The following PTPRD variants were observed in gnomAD, a reference collection of about 807,000 sequenced individuals.
The protein encoded by PTPRD is receptor-type tyrosine-protein phosphatase delta.
A neutral mutation model predicts 214.5 loss-of-function variants in PTPRD; 34 were observed. That is an observed-to-expected ratio of 0.16 (90% CI 0.12 to 0.21). PTPRD has a LOEUF of 0.21. Among genes scored for constraint, PTPRD ranks in the 10% least tolerant of loss-of-function variants. The pLI is 1.00. For synonymous variants in PTPRD, 1,128 were observed against 845.7 expected, an observed-to-expected ratio of 1.33 and a Z score of -5.79; for missense variants, 2,545 against 2,398.7, an observed-to-expected ratio of 1.06 and a Z score of -1.27.
intron 5 of PTPRD, among the ~76,000 whole-genome samples, chr9:9,864,070 C>T (rs903095948): frequency 3.1e-4 from 47 of 152,056 alleles, no homozygotes; most frequent in Admixed American, 2.6e-4. Flanking sequence ...TTTAGGAGGC[C>T]GAAGTGGGTG....
intron 11 of PTPRD, among the ~76,000 whole-genome samples, chr9:8,799,298 A>C (rs1473690546): frequency 1.3e-5 from 2 of 152,190 alleles, no homozygotes; most frequent in Non-Finnish European, 2.9e-5. Flanking sequence ...AATGCTAGAA[A>C]GTGTTTCAGT....
chr9:8,500,403 G>C (rs926243116), intron 24 of PTPRD, among the ~76,000 whole-genome samples: 1 of 151,500 alleles, frequency 6.6e-6, no homozygotes, highest in African/African-American at 2.4e-5. Context: ...GTTTTGAAAA[G>C]TTAACTTCAA....
chr9:9,895,549 A>C (rs1206506384), intron 5 of PTPRD, among the ~76,000 whole-genome samples: 1 of 152,072 alleles, frequency 6.6e-6, no homozygotes, highest in Non-Finnish European at 1.5e-5. Context: ...TATCTCATAG[A>C]AGTAGGGACT....
At chr9:9,680,257 A>G (rs1595053216) in intron 7 of PTPRD, among the ~76,000 whole-genome samples, 1 of 151,834 alleles carries the variant, frequency 6.6e-6, no homozygotes, top group South Asian at 2.1e-4. Flanking sequence ...AGATAAGTAC[A>G]TTTTCTGATT....
intron 12 of PTPRD, among the ~76,000 whole-genome samples, chr9:8,642,593 TGAAG>T (rs2096601050): frequency 1.3e-5 from 2 of 152,158 alleles, no homozygotes; most frequent in Non-Finnish European, 2.9e-5. Flanking sequence ...ATGAGAGCTC[TGAAG>T]GAGAGCTCAG....
intron 11 of PTPRD, among the ~76,000 whole-genome samples, chr9:8,798,863 G>A (rs1392551528): frequency 1.3e-5 from 2 of 152,092 alleles, no homozygotes; most frequent in African/African-American, 2.4e-5. Flanking sequence ...AGAGTATCTA[G>A]GTCCTAGTCT....
intron 8 of PTPRD, among the ~76,000 whole-genome samples, chr9:9,400,587 C>G (rs1321825123): frequency 6.6e-6 from 1 of 151,990 alleles, no homozygotes. Context: ...CTCCCCACCC[C>G]CTACAGAATT....
intron 7 of PTPRD, among the ~76,000 whole-genome samples, chr9:9,608,729 A>G (rs1400782968): frequency 3.9e-5 from 6 of 152,232 alleles, no homozygotes; most frequent in Non-Finnish European, 8.8e-5. Context: ...CAGCTGTGGC[A>G]CACAAGCTAA....
chr9:10,467,828 T>A (rs1433377681), intron 2 of PTPRD, among the ~76,000 whole-genome samples: 2 of 152,062 alleles, frequency 1.3e-5, no homozygotes, highest in African/African-American at 4.8e-5. Context: ...ATTTTTGTCA[T>A]CATTCAAGTA....
intron 9 of PTPRD, among the ~76,000 whole-genome samples, chr9:9,184,540 G>A (rs2099930199): frequency 6.6e-6 from 1 of 152,066 alleles, no homozygotes; most frequent in Non-Finnish European, 1.5e-5. Flanking sequence ...ACATAGATGA[G>A]CATTCGTCAC....
chr9:9,758,104 G>C (rs2098605793), intron 6 of PTPRD, among the ~76,000 whole-genome samples: 2 of 144,896 alleles, frequency 1.4e-5, no homozygotes, highest in Admixed American at 7.2e-5. Flanking sequence ...ACACCTGCGG[G>C]CTGTATTTGA....
chr9:9,975,787 C>A (rs2095330066), intron 4 of PTPRD, among the ~76,000 whole-genome samples: 1 of 152,150 alleles, frequency 6.6e-6, no homozygotes, highest in Non-Finnish European at 1.5e-5. Context: ...CTTATTAGTT[C>A]TGTTACCTTG....
At chr9:8,806,184 C>T (rs1278931619) in intron 11 of PTPRD, among the ~76,000 whole-genome samples, 1 of 147,296 alleles carries the variant, frequency 6.8e-6, no homozygotes, top group Non-Finnish European at 1.5e-5. Context: ...CTTGGCCTCC[C>T]AAAGTGCTGG....
chr9:8,856,901 A>G (rs977679082), intron 11 of PTPRD, among the ~76,000 whole-genome samples: 1 of 152,220 alleles, frequency 6.6e-6, no homozygotes, highest in Admixed American at 6.5e-5. Context: ...CAAGTTTTCT[A>G]CACACCCACA....
At chr9:10,342,997 C>A (rs1023590519) in intron 2 of PTPRD, among the ~76,000 whole-genome samples, 13 of 152,110 alleles carry the variant, frequency 8.5e-5, no homozygotes, top group Non-Finnish European at 1.8e-4. Context: ...ATTTTTTATA[C>A]TTTAAGTTCT....
intron 2 of PTPRD, among the ~76,000 whole-genome samples, chr9:10,362,895 AT>A (rs1440112933): frequency 7.2e-5 from 11 of 152,304 alleles, no homozygotes; most frequent in Non-Finnish European, 1.5e-4. Flanking sequence ...AAATAAAAAA[AT>A]AAATAAATAA....
chr9:9,657,445 GC>G (rs1236114825), intron 7 of PTPRD, among the ~76,000 whole-genome samples: 2 of 152,060 alleles, frequency 1.3e-5, no homozygotes, highest in Non-Finnish European at 2.9e-5. Context: ...CACACCGGGG[GC>G]CTGTCGAGGG....
chr9:10,211,904 A>C (rs1177846170), intron 3 of PTPRD, among the ~76,000 whole-genome samples: 2 of 152,152 alleles, frequency 1.3e-5, no homozygotes, highest in Non-Finnish European at 2.9e-5. Flanking sequence ...ACCACTATGC[A>C]ATATGCTCAT....
At chr9:8,862,606 G>C (rs2098126484) in intron 11 of PTPRD, among the ~76,000 whole-genome samples, 1 of 152,266 alleles carries the variant, frequency 6.6e-6, no homozygotes, top group Non-Finnish European at 1.5e-5. Flanking sequence ...ACAAACAAGT[G>C]GGCTTCCAGT....
Sources: allele counts gnomAD v4.1 joint callset (sites outside exome capture counted in the v4.1 genomes callset), GRCh38; gene constraint gnomAD v4.1.1; transcripts MANE v1.5; gene names NCBI Gene and HGNC (gene_info 2026-07-23, HGNC 2026-07-21).